The following KDM2B variants were observed in gnomAD, a reference collection of about 807,000 sequenced individuals.
The protein encoded by KDM2B is lysine-specific demethylase 2B.
Under a neutral mutation model 150.0 loss-of-function variants are expected in KDM2B, and 26 were observed. The ratio of observed to expected loss-of-function variants is 0.17; its 90% confidence interval spans 0.13 to 0.24. The LOEUF is 0.24. Ranked by LOEUF, KDM2B falls within the 10% of genes least tolerant of loss-of-function variation. KDM2B has a pLI of 1.00. For synonymous variants in KDM2B, 734 were observed against 729.5 expected (o/e 1.01, Z -0.10); for missense variants, 1,265 against 1,816.9 (o/e 0.70, Z 5.52).
intron 11 of KDM2B, among the ~76,000 whole-genome samples, chr12:121,502,174 G>A (rs1372884337): frequency 1.3e-5 from 2 of 152,184 alleles, no homozygotes. Context: ...CTAGTTTGCT[G>A]AGCTATTAAA....
intron 12 of KDM2B, among the ~76,000 whole-genome samples, chr12:121,484,612 G>A (rs187548043): frequency 1.2e-4 from 19 of 152,196 alleles, no homozygotes; most frequent in South Asian, 8.3e-4. Flanking sequence ...GGGCCCAGGA[G>A]GTCAAGACCA....
In KDM2B at chr12:121,442,930, G is replaced by A; in HGVS notation, c.2604+62C>T. The A allele has an allele frequency of 6.3e-7, 1 of 1,594,142 alleles. No homozygotes were observed. Among genetic ancestry groups the A allele is most frequent in the East Asian group, 2.2e-5 (1 of 44,542 alleles). On this transcript the variant is annotated intron_variant, in intron 18 of 22. Transcript: ENST00000377071. This position sits in a 1 kb window ranked among gnomAD's most constrained non-coding sequence, Gnocchi z 7.7. The stretch of plus-strand genomic sequence containing the variant: ...CCCCTGCCACGGGACTGTGGCCCAG[G>A]GAGCTGCGGTGCAGCTCTAACCGCT...
downstream of KDM2B, among the ~76,000 whole-genome samples, chr12:121,427,637 C>T (rs61635678): frequency 2.4e-3 from 368 of 152,296 alleles, 5 homozygotes; most frequent in East Asian, 0.054. Flanking sequence ...GAGTTTATGG[C>T]CACTGTGTTA....
At position 121,525,275 on chromosome 12, in the gene KDM2B, T is replaced by G. The variant is rs146884330; in HGVS notation, c.932-4175A>C. ...CTTTTGTTGTTGTTTTGTTGGGTTT[T>G]TGTTTTTTTGAGACAGAGCCTTACT... On this transcript the variant is annotated intron_variant, in intron 8 of 22. Transcript: ENST00000377071. Among the ~76,000 whole-genome samples the G allele has an allele frequency of 2.9e-3, 448 of 152,260 alleles. 2 individuals carry two copies. Among genetic ancestry groups the G allele is most frequent in the African/African-American group, 0.01 (430 of 41,542 alleles).
intron 12 of KDM2B, among the ~76,000 whole-genome samples, chr12:121,474,607 G>A (rs1465914165): frequency 6.6e-6 from 1 of 152,158 alleles, no homozygotes; most frequent in African/African-American, 2.4e-5. Context: ...GTCAATGATT[G>A]TGGTCCCACA....
chr12:121,464,828 G>A (rs61953462), intron 12 of KDM2B, among the ~76,000 whole-genome samples: 48,188 of 152,096 alleles, frequency 0.32, 9,153 homozygotes, highest in East Asian at 0.41. Flanking sequence ...AGCTGGGTCT[G>A]GAGCCTGCAA....
rs11544961 is a variant in KDM2B, at chr12:121,430,537, C to T, written c.3830-68G>A. 0.054 allele frequency: 60,847 copies of T among 1,119,804 alleles called. 2,061 individuals carry two copies. The highest frequency in any genetic ancestry group is 0.062 in the Non-Finnish European group (45,626 of 733,766). 69.4% of individuals were successfully genotyped at this position (1,119,804 alleles called of 1,614,324 possible). ...CCAGAAGCCCCCCCGCCGCCAGACC[C>T]AGGCACTCAGCAGTGGGGACAGGTC... On this transcript the variant is annotated intron_variant, in intron 22 of 22. Coordinates refer to ENST00000377071, the MANE Select transcript of KDM2B (RefSeq NM_032590.5). This position sits in a 1 kb window ranked among gnomAD's most constrained non-coding sequence, Gnocchi z 4.4.
Position 121,430,512 on chromosome 12 carries a change from C to T in KDM2B, c.3830-43G>A, listed in dbSNP as rs782777903. ...TAATGTGAGGTGTGAAGGCCAGGAG[C>T]CAGAAGCCCCCCCGCCGCCAGACCC... On this transcript the variant is annotated intron_variant, in intron 22 of 22. Coordinates refer to ENST00000377071, the MANE Select transcript of KDM2B (RefSeq NM_032590.5). This position sits in a 1 kb window ranked among gnomAD's most constrained non-coding sequence, Gnocchi z 4.4. 2 of 1,489,904 alleles carry T rather than the reference C, an allele frequency of 1.3e-6. No homozygotes were observed. The highest frequency in any genetic ancestry group is 1.7e-5 in the Admixed American group (1 of 59,658). The allele number at this position is 1,489,904 out of a possible 1,614,324, so 92.3% of individuals were successfully genotyped here.
chr12:121,455,375 C>T (rs570268766), intron 12 of KDM2B, among the ~76,000 whole-genome samples: 6 of 152,228 alleles, frequency 3.9e-5, no homozygotes, highest in Non-Finnish European at 7.3e-5. Context: ...CACCCACAGG[C>T]AAGCTGGCCA....
intron 10 of KDM2B, among the ~76,000 whole-genome samples, chr12:121,511,405 G>C (rs1434797801): frequency 6.6e-6 from 1 of 150,534 alleles, no homozygotes; most frequent in Admixed American, 6.7e-5. Context: ...TCCTGCCTCA[G>C]CCTCCCGAGT....
rs1555317582 is a variant in KDM2B at position 121,579,734 on chromosome 12, C to T, written c.127-788G>A. The T allele has an allele frequency of 1.8e-5, 27 of 1,467,550 alleles. 1 individual carries two copies. The highest frequency in any genetic ancestry group is 3.6e-6 in the Non-Finnish European group (4 of 1,101,762). 90.9% of individuals were successfully genotyped at this position (1,467,550 alleles called of 1,614,324 possible). On this transcript the variant is annotated intron_variant, in intron 1 of 22. Coordinates refer to ENST00000377071, the MANE Select transcript of KDM2B (RefSeq NM_032590.5). ...CGCCCAGCGCCCGGCCCCTCAGCCCCCCAGATTCCGGGCGAACCCCGAGCC... is the reference window on the plus strand; with the variant it reads ...CGCCCAGCGCCCGGCCCCTCAGCCCTCCAGATTCCGGGCGAACCCCGAGCC...
In KDM2B at chr12:121,549,691, C is replaced by G; in HGVS notation, c.398-53G>C. The G allele has an allele frequency of 6.8e-7, 1 of 1,471,928 alleles. No homozygotes were observed. The highest frequency in any genetic ancestry group is 9.2e-7 in the Non-Finnish European group (1 of 1,091,196). 91.2% of individuals were successfully genotyped at this position (1,471,928 alleles called of 1,614,324 possible). On this transcript the variant is annotated intron_variant, in intron 4 of 22. Coordinates refer to ENST00000377071, the MANE Select transcript of KDM2B (RefSeq NM_032590.5). This position sits in a 1 kb window ranked among gnomAD's most constrained non-coding sequence, Gnocchi z 4.4. ...TTCCTGCCGGCTTAAGGCTCCAGATCCTACATGGGAGCCCCTCACTAAACA... is the reference window on the plus strand; with the variant it reads ...TTCCTGCCGGCTTAAGGCTCCAGATGCTACATGGGAGCCCCTCACTAAACA...
rs1253826767 is a variant in KDM2B at position 121,453,657 on chromosome 12, T to C, written c.1735-313A>G. 2.6e-5 allele frequency among the ~76,000 whole-genome samples: 4 copies of C among 151,990 alleles called. No homozygotes were observed. Among genetic ancestry groups the C allele is most frequent in the East Asian group, 3.9e-4 (2 of 5,182 alleles). On this transcript the variant is annotated intron_variant, in intron 12 of 22. Coordinates refer to ENST00000377071, the MANE Select transcript of KDM2B (RefSeq NM_032590.5). This position sits in a 1 kb window ranked among gnomAD's most constrained non-coding sequence, Gnocchi z 6.4. ...ACAGGCCTTCCACAGACTGGAGCCC[T>C]GTCTACAAGCCAAGAAGTGCCAAGG... is the stretch of plus-strand genomic sequence containing the variant.
At position 121,509,650 on chromosome 12, in the gene KDM2B, C is replaced by G. The variant is rs1555303516; in HGVS notation, c.1564G>C (p.Glu522Gln). 6.2e-7 allele frequency: 1 copy of G among 1,614,064 alleles called. No individual in the cohort carries two copies. The highest frequency in any genetic ancestry group is 1.7e-5 in the Admixed American group (1 of 60,024). ...FELKGLKALV[E>Q]KLESLPENKK... Reference sequence around the variant, plus strand: ...TTCTCCGGGAGGGATTCCAGTTTCTCCACCAGAGCTTTCAGGCCCTTCAGT... The same window carrying G: ...TTCTCCGGGAGGGATTCCAGTTTCTGCACCAGAGCTTTCAGGCCCTTCAGT... The change falls in exon 11 of 23, where the codon GAG becomes CAG. Residue 522 changes from glutamate to glutamine, a missense_variant. Transcript: ENST00000377071.
chr12:121,578,503 C>T (rs974680420), intron 2 of KDM2B, among the ~76,000 whole-genome samples: 1 of 152,064 alleles, frequency 6.6e-6, no homozygotes, highest in Non-Finnish European at 1.5e-5. Context: ...GCGCTCCCGC[C>T]CTCCCTCGGT....
In KDM2B at chr12:121,509,739, T is replaced by C; in HGVS notation, c.1475A>G (p.Lys492Arg). Residue 492 changes from lysine (K) to arginine (R), a missense_variant, in exon 11 of 23, where the codon AAG becomes AGG. By Grantham distance (26) the Lys-to-Arg change is conservative. This residue lies in a region of KDM2B where 154 missense variants were observed against 162.5 expected (regional missense o/e 0.95). Transcript: ENST00000377071. ...CGTGGCGGGAGAGCCGGTGGGGGTCTTGGGGTAGTCTACGGCCAATGTGGT... is the reference window on the plus strand; with the variant it reads ...CGTGGCGGGAGAGCCGGTGGGGGTCCTGGGGTAGTCTACGGCCAATGTGGT... ...KSTTLAVDYP[K>R]TPTGSPATEV... 2 of 1,614,098 alleles carry C rather than the reference T, an allele frequency of 1.2e-6. No individual in the cohort carries two copies. The highest frequency in any genetic ancestry group is 8.5e-7 in the Non-Finnish European group (1 of 1,180,024).
intron 11 of KDM2B, among the ~76,000 whole-genome samples, chr12:121,497,803 A>G (rs1884132778): frequency 6.6e-6 from 1 of 151,296 alleles, no homozygotes; most frequent in African/African-American, 2.4e-5. Flanking sequence ...AAAAGTAAAA[A>G]TGGTTTAACT....
chr12:121,533,769 A>G lies in KDM2B; in HGVS notation c.777+728T>C, dbSNP rs1452522943. Reference sequence around the variant, plus strand: ...GCATGGGTGACTAGATGCGATGTAAAAGGGCTGAACTTGACCTTGCCCTCC... The same window carrying G: ...GCATGGGTGACTAGATGCGATGTAAGAGGGCTGAACTTGACCTTGCCCTCC... On this transcript the variant is annotated intron_variant, in intron 7 of 22. Coordinates refer to ENST00000377071, the MANE Select transcript of KDM2B (RefSeq NM_032590.5). This position sits in a 1 kb window ranked among gnomAD's most constrained non-coding sequence, Gnocchi z 4.1. 1.3e-5 allele frequency among the ~76,000 whole-genome samples: 2 copies of G among 152,176 alleles called. No individual in the cohort carries two copies. Among genetic ancestry groups the G allele is most frequent in the Non-Finnish European group, 2.9e-5 (2 of 68,028 alleles).
At chr12:121,524,751 C>A in intron 8 of KDM2B, 1 of 438,222 alleles carries the variant, frequency 2.3e-6, no homozygotes, top group Non-Finnish European at 4.6e-6. Context: ...GGGCTGGGAA[C>A]GCTGGCATCT....
Sources: allele counts gnomAD v4.1 joint callset (sites outside exome capture counted in the v4.1 genomes callset), GRCh38; gene constraint gnomAD v4.1.1; regional missense constraint gnomAD v4.1.1; non-coding constraint Gnocchi (gnomAD v3.1); transcripts MANE v1.5; gene names NCBI Gene and HGNC (gene_info 2026-07-23, HGNC 2026-07-21).